Variants in CACNA2D2 observed in about 807,000 individuals in gnomAD.
CACNA2D2 encodes calcium voltage-gated channel auxiliary subunit alpha2delta 2, also known as voltage-dependent calcium channel subunit alpha-2/delta-2.
A neutral mutation model predicts 166.4 loss-of-function variants in CACNA2D2; 48 were observed. The ratio of observed to expected loss-of-function variants is 0.29; its 90% CI spans 0.23 to 0.37. CACNA2D2 has a LOEUF of 0.37. CACNA2D2 is among the 10% of genes least tolerant of loss of function. The probability of loss-of-function intolerance (pLI) is 1.00; values close to 1 mark genes in which losing one functional copy is unlikely to be tolerated. For missense variants in CACNA2D2, 1,122 were observed against 1,433.0 expected (o/e 0.78, Z 3.50); for synonymous variants, 561 against 573.7 (o/e 0.98, Z 0.32).
In CACNA2D2 at chr3:50,365,706, C is replaced by A; in HGVS notation, c.2916-18G>T. On this transcript the variant is annotated intron_variant, in intron 33 of 37. Coordinates refer to ENST00000424201, the MANE Select transcript of CACNA2D2 (RefSeq NM_006030.4). The surrounding 1 kb of genome is among the most constrained non-coding windows in gnomAD (Gnocchi z 4.5). Reference sequence around the variant, plus strand: ...ACAGGGACCTGCAGCGCACGGGGAGCCGAGTGCAGGTGGTCAGCAGAGGAC... The same window carrying A: ...ACAGGGACCTGCAGCGCACGGGGAGACGAGTGCAGGTGGTCAGCAGAGGAC... 6.3e-7 allele frequency: 1 copy of A among 1,593,540 alleles called. No homozygotes were observed. The highest frequency in any genetic ancestry group is 8.5e-7 in the Non-Finnish European group (1 of 1,170,468).
At chr3:50,369,051 C>T (rs1290100047) in intron 23 of CACNA2D2, among the ~76,000 whole-genome samples, 1 of 152,228 alleles carries the variant, frequency 6.6e-6, no homozygotes, top group Admixed American at 6.5e-5. Context: ...TGGTAGGGCT[C>T]ATGGCTTGGT....
chr3:50,371,030 C>T (rs587677244), intron 22 of CACNA2D2, among the ~76,000 whole-genome samples: 9 of 152,124 alleles, frequency 5.9e-5, no homozygotes, highest in South Asian at 2.1e-4. Context: ...AGTGCATTGT[C>T]GGGGCTGGTG....
At chr3:50,497,321 C>A (rs534588506) in intron 1 of CACNA2D2, among the ~76,000 whole-genome samples, 19 of 152,186 alleles carry the variant, frequency 1.2e-4, no homozygotes, top group Non-Finnish European at 1.9e-4. Context: ...AGCAAGCTAC[C>A]CAACTGAGAA....
chr3:50,383,563 T>C (rs1366729378), intron 6 of CACNA2D2, among the ~76,000 whole-genome samples: 2 of 152,268 alleles, frequency 1.3e-5, no homozygotes, highest in South Asian at 2.1e-4. Context: ...CTTCTAGCTA[T>C]AGTGACCTCG....
At position 50,384,070 on chromosome 3, in the gene CACNA2D2, T is replaced by C. The variant is rs1229882701; in HGVS notation, c.652+126A>G. 8.4e-6 allele frequency: 10 copies of C among 1,183,722 alleles called. No homozygotes were observed. In the East Asian group the frequency reaches 2.4e-4, roughly 28 times the overall value. The allele number at this position is 1,183,722 out of a possible 1,614,324, so 73.3% of individuals were successfully genotyped here. A position where few individuals can be genotyped will look rare whatever the true frequency, so the allele number is the denominator to read the frequency against. On this transcript the variant is annotated intron_variant, in intron 6 of 37. Coordinates refer to ENST00000424201, the MANE Select transcript of CACNA2D2 (RefSeq NM_006030.4). Reference sequence around the variant, plus strand: ...ATCTGAGAGGTGCGCAGGAGTAATCTCAGGTGTAGGAGGCTGGAGGTAGAT... The same window carrying C: ...ATCTGAGAGGTGCGCAGGAGTAATCCCAGGTGTAGGAGGCTGGAGGTAGAT...
At chr3:50,471,326 T>G (rs1357465110) in intron 2 of CACNA2D2, among the ~76,000 whole-genome samples, 1 of 152,028 alleles carries the variant, frequency 6.6e-6, no homozygotes, top group East Asian at 1.9e-4. Context: ...GCTGCATGCC[T>G]GTCTCCTGTG....
rs1704022438 is a variant in CACNA2D2, at chr3:50,363,132, A to G, written c.*1534T>C. 5 of 398,574 alleles carry G rather than the reference A, an allele frequency of 1.3e-5. No individual in the cohort carries two copies. Among genetic ancestry groups the G allele is most frequent in the Non-Finnish European group, 1.8e-5 (4 of 226,040 alleles). 24.7% of individuals were successfully genotyped at this position (398,574 alleles called of 1,614,324 possible). On this transcript the variant is annotated 3_prime_UTR_variant, in exon 38 of 38. Coordinates refer to ENST00000424201, the MANE Select transcript of CACNA2D2 (RefSeq NM_006030.4). ...AAACTTAAAATATATATTTTTCTGTATATGTTTATATTCTCCATTGAGCAC... is the reference window on the plus strand; with the variant it reads ...AAACTTAAAATATATATTTTTCTGTGTATGTTTATATTCTCCATTGAGCAC...
At chr3:50,443,635 C>A (rs1356251218) in intron 2 of CACNA2D2, among the ~76,000 whole-genome samples, 1 of 152,330 alleles carries the variant, frequency 6.6e-6, no homozygotes, top group African/African-American at 2.4e-5. Context: ...GGACAAGGAC[C>A]CTACCCCCGC....
At chr3:50,430,252 C>T (rs1163743658) in intron 3 of CACNA2D2, among the ~76,000 whole-genome samples, 1 of 152,214 alleles carries the variant, frequency 6.6e-6, no homozygotes, top group African/African-American at 2.4e-5. Flanking sequence ...AGCCTCGATA[C>T]CCCTGGCTGT....
Position 50,365,747 on chromosome 3 carries a change from T to G in CACNA2D2, c.2916-59A>C, listed in dbSNP as rs1704231591. 8.1e-6 allele frequency: 13 copies of G among 1,608,884 alleles called. No individual in the cohort carries two copies. The East Asian group carries it at 2.9e-4, about 36-fold the overall frequency. On this transcript the variant is annotated intron_variant, in intron 33 of 37. Transcript: ENST00000424201. This position sits in a 1 kb window ranked among gnomAD's most constrained non-coding sequence, Gnocchi z 4.5. ...AGCAGAGGACGATGCCATGCCCTACTTCTCTTCTGAGCCCTCCCGGCCAGG... is the reference window on the plus strand; with the variant it reads ...AGCAGAGGACGATGCCATGCCCTACGTCTCTTCTGAGCCCTCCCGGCCAGG...
chr3:50,437,938 GCAGCACAGC>G (rs1188120279), intron 2 of CACNA2D2, among the ~76,000 whole-genome samples: 2 of 152,210 alleles, frequency 1.3e-5, no homozygotes. Context: ...TGCTCCCACA[GCAGCACAGC>G]CGGCACAGCC....
At position 50,427,291 on chromosome 3, in the gene CACNA2D2, G is replaced by C. The variant is rs1055058900; in HGVS notation, c.405+7022C>G. Among the ~76,000 whole-genome samples the C allele has an allele frequency of 3.3e-5, 5 of 152,192 alleles. No individual in the cohort carries two copies. The highest frequency in any genetic ancestry group is 1.2e-4 in the African/African-American group (5 of 41,454). On this transcript the variant is annotated intron_variant, in intron 3 of 37. Coordinates refer to ENST00000424201, the MANE Select transcript of CACNA2D2 (RefSeq NM_006030.4). The surrounding 1 kb of genome is among the most constrained non-coding windows in gnomAD (Gnocchi z 4.7). ...CCCTCTGTAGGCGGAGGGCCCCAAG[G>C]GTGCCCACACAATGGGTGTCCAACA... is the stretch of plus-strand genomic sequence containing the variant.
intron 2 of CACNA2D2, among the ~76,000 whole-genome samples, chr3:50,467,278 A>C (rs576045124): frequency 6.6e-6 from 1 of 152,150 alleles, no homozygotes; most frequent in Non-Finnish European, 1.5e-5. Context: ...TCCAGGGATC[A>C]TCTATGTGGG....
intron 2 of CACNA2D2, among the ~76,000 whole-genome samples, chr3:50,461,232 C>G (rs1274454221): frequency 3.3e-5 from 5 of 152,182 alleles, no homozygotes; most frequent in African/African-American, 1.2e-4. Context: ...TACAATGGAT[C>G]GGGAATCTGA....
rs1029492923 is a variant in CACNA2D2, at chr3:50,363,159, T to C, written c.*1507A>G. 5.0e-6 allele frequency: 2 copies of C among 398,808 alleles called. No homozygotes were observed. The highest frequency in any genetic ancestry group is 8.8e-6 in the Non-Finnish European group (2 of 226,074). 24.7% of individuals were successfully genotyped at this position (398,808 alleles called of 1,614,324 possible). On this transcript the variant is annotated 3_prime_UTR_variant, in exon 38 of 38. Transcript: ENST00000424201. ...ATGTTTATATTCTCCATTGAGCACC[T>C]GACTACACTACAGTTACACGCACGC...
intron 2 of CACNA2D2, among the ~76,000 whole-genome samples, chr3:50,456,083 C>A (rs1474005677): frequency 6.6e-6 from 1 of 152,140 alleles, no homozygotes; most frequent in Admixed American, 6.5e-5. Flanking sequence ...CTTGTGACAC[C>A]CCAGAAGGGA....
At chr3:50,426,392 G>C (rs1000785536) in intron 3 of CACNA2D2, among the ~76,000 whole-genome samples, 1 of 152,210 alleles carries the variant, frequency 6.6e-6, no homozygotes, top group Non-Finnish European at 1.5e-5. Flanking sequence ...AGGCCGTAGG[G>C]TGGGACAGGC....
chr3:50,491,210 T>A (rs1002928509), intron 1 of CACNA2D2, among the ~76,000 whole-genome samples: 1 of 152,290 alleles, frequency 6.6e-6, no homozygotes, highest in East Asian at 1.9e-4. Context: ...AGAACAGAGA[T>A]GACAGTTATG....
rs954466340 is a variant in CACNA2D2 at position 50,365,739 on chromosome 3, T to C, written c.2916-51A>G. 1.9e-6 allele frequency: 3 copies of C among 1,606,280 alleles called. No homozygotes were observed. Among genetic ancestry groups the C allele is most frequent in the Non-Finnish European group, 2.5e-6 (3 of 1,176,648 alleles). On this transcript the variant is annotated intron_variant, in intron 33 of 37. Transcript: ENST00000424201. This position sits in a 1 kb window ranked among gnomAD's most constrained non-coding sequence, Gnocchi z 4.5. ...AGGTGGTCAGCAGAGGACGATGCCATGCCCTACTTCTCTTCTGAGCCCTCC... is the reference window on the plus strand; with the variant it reads ...AGGTGGTCAGCAGAGGACGATGCCACGCCCTACTTCTCTTCTGAGCCCTCC...
Sources: gnomAD v4.1 joint callset for allele counts (sites outside exome capture counted in the v4.1 genomes callset) on GRCh38, gnomAD v4.1.1 for gene constraint, Gnocchi (gnomAD v3.1) non-coding constraint, MANE v1.5 for transcripts, NCBI Gene and HGNC (gene_info 2026-07-23, HGNC 2026-07-21) for gene names.